SAG: variants seen among roughly 807,000 people sequenced by gnomAD.
SAG encodes S-arrestin.
A neutral mutation model predicts 55.0 loss-of-function variants in SAG; 45 were observed. The ratio of observed to expected loss-of-function variants is 0.82; its 90% CI spans 0.64 to 1.05. SAG has a LOEUF of 1.05. SAG is among the 50% of genes least tolerant of loss of function. The pLI, the probability that SAG is intolerant of heterozygous loss-of-function variation, is 0.00. For missense variants in SAG, 455 were observed against 512.1 expected, an observed-to-expected ratio of 0.89 and a Z score of 1.08; for synonymous variants, 189 against 197.4, an observed-to-expected ratio of 0.96 and a Z score of 0.36.
At position 233,309,146 on chromosome 2, in the gene SAG, TG is replaced by T; in HGVS notation, c.-28-15del. The T allele has an allele frequency of 6.5e-7, 1 of 1,536,506 alleles. No homozygotes were observed. Among genetic ancestry groups the T allele is most frequent in the Admixed American group, 1.7e-5 (1 of 59,134 alleles). On this transcript the variant is annotated splice_polypyrimidine_tract_variant and intron_variant, in intron 1 of 15. Transcript: ENST00000409110. ...TACCTTTCTCCAACCCTCTAACACCTGACCAACACCCCAAGGTGGTAGAAGT... is the reference window on the plus strand; with the variant it reads ...TACCTTTCTCCAACCCTCTAACACCTACCAACACCCCAAGGTGGTAGAAGT...
chr2:233,328,344 C>G (rs1277654261), intron 7 of SAG, 134 bp from the exon 8 acceptor site: 2 of 1,105,800 alleles, frequency 1.8e-6, no homozygotes, highest in Non-Finnish European at 2.6e-6. Context: ...AGTGTCGTTG[C>G]CCTCTTCCCG....
At chr2:233,346,158 A>G (rs1020916377) in intron 14 of SAG, 3 of 180,970 alleles carry the variant, frequency 1.7e-5, no homozygotes, top group African/African-American at 7.1e-5. Context: ...CTCAAATAAA[A>G]TAAAATAATA....
chr2:233,327,443 C>T (rs530302787), intron 7 of SAG: 2 of 377,282 alleles, frequency 5.3e-6, no homozygotes, highest in South Asian at 6.1e-5. Flanking sequence ...CGGGTTTCCC[C>T]TTTGTTGAAG....
chr2:233,334,357 C>G (rs1333845782), intron 10 of SAG: 1 of 152,302 alleles, frequency 6.6e-6, no homozygotes. Flanking sequence ...CCAGACCCGC[C>G]TGTTGGCACA....
intron 5 of SAG, 68 bp from the exon 6 acceptor site, chr2:233,322,878 G>GATT: frequency 1.1e-6 from 1 of 914,080 alleles, no homozygotes; most frequent in Non-Finnish European, 1.7e-6. Context: ...ATTTTTACAT[G>GATT]ATTATATATT....
intron 2 of SAG, among the ~76,000 whole-genome samples, chr2:233,315,860 G>A (rs1219497123): frequency 2.0e-5 from 3 of 151,296 alleles, no homozygotes; most frequent in Non-Finnish European, 2.9e-5. Context: ...GTGCCACCAC[G>A]CCCAGCTAAT....
intron 10 of SAG, chr2:233,334,674 C>G (rs1210376048): frequency 6.3e-6 from 2 of 316,604 alleles, no homozygotes; most frequent in Non-Finnish European, 1.2e-5. Flanking sequence ...GTCTCTGACT[C>G]TTGAGCCAGT....
At chr2:233,310,861 A>G (rs1431217751) in intron 2 of SAG, among the ~76,000 whole-genome samples, 1 of 152,000 alleles carries the variant, frequency 6.6e-6, no homozygotes, top group African/African-American at 2.4e-5. Flanking sequence ...CCCCATCCTT[A>G]CCGTGCCACC....
At chr2:233,331,784 C>A in intron 10 of SAG, 72 bp downstream of exon 10, 1 of 1,082,974 alleles carries the variant, frequency 9.2e-7, no homozygotes, top group Non-Finnish European at 1.4e-6. Flanking sequence ...CCGTTTATTG[C>A]TGAAGAAGGA....
chr2:233,335,484 A>T (rs1700895488), intron 11 of SAG, among the ~76,000 whole-genome samples: 1 of 152,234 alleles, frequency 6.6e-6, no homozygotes, highest in African/African-American at 2.4e-5. Flanking sequence ...ACACACAGAG[A>T]GTGCTCCAGG....
intron 8 of SAG, chr2:233,328,985 A>G: frequency 4.4e-6 from 1 of 229,192 alleles, no homozygotes; most frequent in Non-Finnish European, 8.4e-6. Context: ...CTTCCTGGGA[A>G]ATTTAAGTTT....
At chr2:233,320,010 G>A in intron 4 of SAG, 1 of 983,204 alleles carries the variant, frequency 1.0e-6, no homozygotes, top group Non-Finnish European at 1.2e-6. Context: ...TGGTCTACTG[G>A]GCGCACACTT....
At chr2:233,333,764 T>G (rs191190235) in intron 10 of SAG, 5 of 152,346 alleles carry the variant, frequency 3.3e-5, no homozygotes, top group African/African-American at 1.2e-4. Flanking sequence ...ATCTTTACAA[T>G]GCTGTTTCTG....
At chr2:233,331,194 C>G (rs1414718213) in intron 9 of SAG, among the ~76,000 whole-genome samples, 1 of 152,096 alleles carries the variant, frequency 6.6e-6, no homozygotes, top group Non-Finnish European at 1.5e-5. Flanking sequence ...AATAATTCAC[C>G]CCACAGTTAG....
intron 10 of SAG, 84 bp from the exon 11 acceptor site, chr2:233,334,878 G>A: frequency 6.5e-7 from 1 of 1,542,242 alleles, no homozygotes; most frequent in South Asian, 1.1e-5. Flanking sequence ...GTGGATCCTG[G>A]AAAATGCCTA....
At chr2:233,320,570 C>A in intron 4 of SAG, 60 bp from the exon 5 acceptor site, 1 of 1,343,030 alleles carries the variant, frequency 7.4e-7, no homozygotes, top group Non-Finnish European at 1.0e-6. Flanking sequence ...CCCATTCCGT[C>A]AGTGGTGGTG....
At chr2:233,339,459 A>G (rs1046417979) in intron 12 of SAG, among the ~76,000 whole-genome samples, 3 of 152,194 alleles carry the variant, frequency 2.0e-5, no homozygotes, top group Admixed American at 6.5e-5. Flanking sequence ...CTTGAGGAAA[A>G]TAAGCGTTTA....
chr2:233,330,073 C>T (rs1165011691), intron 9 of SAG, among the ~76,000 whole-genome samples: 2 of 152,206 alleles, frequency 1.3e-5, no homozygotes, highest in Non-Finnish European at 2.9e-5. Context: ...CATGGCTGAC[C>T]TTCCCATATC....
chr2:233,323,146 G>A, intron 6 of SAG, 141 bp downstream of exon 6: 7 of 663,034 alleles, frequency 1.1e-5, no homozygotes, highest in Non-Finnish European at 1.9e-5. Context: ...GCAACCTGTG[G>A]TTTCTGGGCT....
Sources: gnomAD v4.1 joint callset for allele counts (sites outside exome capture counted in the v4.1 genomes callset) on GRCh38, gnomAD v4.1.1 for gene constraint, MANE v1.5 for transcripts, NCBI Gene and HGNC (gene_info 2026-07-23, HGNC 2026-07-21) for gene names.